The following CCDC149 variants were observed in gnomAD, a reference collection of about 807,000 sequenced individuals.
The protein encoded by CCDC149 is coiled-coil domain-containing protein 149.
A neutral mutation model predicts 59.9 loss-of-function variants in CCDC149; 45 were observed. That is an observed-to-expected ratio of 0.75 (90% CI 0.59 to 0.96). CCDC149 has a LOEUF of 0.96. CCDC149 is among the 40% of genes least tolerant of loss of function. CCDC149 has a pLI of 0.00. For missense variants in CCDC149, 584 were observed against 664.7 expected, an observed-to-expected ratio of 0.88 and a Z score of 1.33; for synonymous variants, 245 against 260.6, an observed-to-expected ratio of 0.94 and a Z score of 0.58.
rs1389952421 is a variant in CCDC149, at chr4:24,876,571, G to A, written c.190C>T (p.His64Tyr). 6.2e-7 allele frequency: 1 copy of A among 1,614,058 alleles called. No homozygotes were observed. The highest frequency in any genetic ancestry group is 1.1e-5 in the South Asian group (1 of 91,070). Residue 64 changes from histidine (H) to tyrosine (Y), a missense_variant, in exon 2 of 13, where the codon CAC becomes TAC. Physicochemically the swap from His to Tyr is moderately conservative, Grantham distance 83. Transcript: ENST00000635206. The stretch of plus-strand genomic sequence containing the variant: ...CGGTACTTCTTCTTCAGTGACTGGT[G>A]GCGCTCCCGGAGCTGATTGGCCATG...
chr4:24,927,054 T>A (rs1166117849), intron 1 of CCDC149, among the ~76,000 whole-genome samples: 1 of 152,146 alleles, frequency 6.6e-6, no homozygotes, highest in Non-Finnish European at 1.5e-5. Context: ...CTACATCCCA[T>A]AGGTTACAAG....
At chr4:24,946,393 G>T (rs970839103) in intron 1 of CCDC149, among the ~76,000 whole-genome samples, 1 of 152,236 alleles carries the variant, frequency 6.6e-6, no homozygotes, top group Non-Finnish European at 1.5e-5. Context: ...CCTTGAAGTG[G>T]TCTGTACTTA....
At position 24,938,893 on chromosome 4, in the gene CCDC149, C is replaced by T. The variant is rs549567271; in HGVS notation, c.-65+41176G>A. 1.2e-3 allele frequency among the ~76,000 whole-genome samples: 189 copies of T among 152,318 alleles called. 1 individual carries two copies. Among genetic ancestry groups the T allele is most frequent in the African/African-American group, 4.1e-3 (171 of 41,590 alleles). The stretch of plus-strand genomic sequence containing the variant: ...GGCTTGAGTAGGTAAACAAAGCGGC[C>T]GGGAAGCTTGAACTGGGTGGAGCCC... On this transcript the variant is annotated intron_variant, in intron 1 of 12. Transcript: ENST00000389609.
chr4:24,940,968 T>C (rs1722936635), intron 1 of CCDC149, among the ~76,000 whole-genome samples: 1 of 152,178 alleles, frequency 6.6e-6, no homozygotes, highest in Non-Finnish European at 1.5e-5. Context: ...CACCCCACTG[T>C]CAACATTAGA....
intron 3 of CCDC149, among the ~76,000 whole-genome samples, chr4:24,869,852 C>A (rs1355978442): frequency 1.3e-5 from 2 of 152,220 alleles, no homozygotes; most frequent in Non-Finnish European, 2.9e-5. Flanking sequence ...GTGGACATCA[C>A]TGCTAACTCC....
In CCDC149 at chr4:24,912,799, C is replaced by A; in HGVS notation, c.63+18G>T. 4 of 1,314,978 alleles carry A rather than the reference C, an allele frequency of 3.0e-6. No homozygotes were observed. Among genetic ancestry groups the A allele is most frequent in the Non-Finnish European group, 3.9e-6 (4 of 1,019,260 alleles). 81.5% of individuals were successfully genotyped at this position (1,314,978 alleles called of 1,614,324 possible). ...GCTCGGCCCGGCCCATCCCGCCTGG[C>A]CGGCGCCGCGGCCTCACCTCGCTCA... On this transcript the variant is annotated intron_variant, in intron 1 of 12. Transcript: ENST00000635206.
intron 4 of CCDC149, 73 bp downstream of exon 4, chr4:24,852,997 TTC>T: frequency 1.1e-6 from 1 of 894,930 alleles, no homozygotes; most frequent in Non-Finnish European, 1.8e-6. Flanking sequence ...CATTACATTT[TTC>T]CGATGTGCAA....
rs185833044 is a variant in CCDC149, at chr4:24,864,496, C to T, written c.264+9185G>A. Among the ~76,000 whole-genome samples, 447 of 152,302 alleles carry T rather than the reference C, an allele frequency of 2.9e-3. 6 individuals carry two copies. Among genetic ancestry groups the T allele is most frequent in the Admixed American group, 0.019 (287 of 15,290 alleles). On this transcript the variant is annotated intron_variant, in intron 3 of 12. Coordinates refer to ENST00000635206, the MANE Select transcript of CCDC149 (RefSeq NM_001330643.2). ...CGGCTTCGACTCCCTGTGATTTCATCTCAGATCCAACAGCACTCCCCACTC... is the reference window on the plus strand; with the variant it reads ...CGGCTTCGACTCCCTGTGATTTCATTTCAGATCCAACAGCACTCCCCACTC...
intron 1 of CCDC149, among the ~76,000 whole-genome samples, chr4:24,954,732 C>G (rs980646657): frequency 5.9e-5 from 9 of 152,210 alleles, no homozygotes; most frequent in Non-Finnish European, 1.0e-4. Flanking sequence ...TCCTAGCACT[C>G]TGGGCCTGTG....
intron 11 of CCDC149, 187 bp from the exon 12 acceptor site, chr4:24,820,162 GCA>G (rs369360752): frequency 9.6e-4 from 501 of 521,096 alleles, no homozygotes; most frequent in Middle Eastern, 2.0e-3. Context: ...CCTAACCCTT[GCA>G]CACACACACA....
chr4:24,945,573 T>C (rs1011231035), intron 1 of CCDC149, among the ~76,000 whole-genome samples: 4 of 151,958 alleles, frequency 2.6e-5, no homozygotes, highest in African/African-American at 7.3e-5. Flanking sequence ...AGAACGTAAA[T>C]GTCTGTTGTT....
At chr4:24,914,639 C>A (rs185866605), upstream of CCDC149, among the ~76,000 whole-genome samples, 1,251 of 149,034 alleles carry the variant, frequency 8.4e-3, 63 homozygotes, top group Admixed American at 0.061. Context: ...TGAGACCAGC[C>A]GAAGAACCAT....
At chr4:24,927,261 C>T (rs1722456322) in intron 1 of CCDC149, among the ~76,000 whole-genome samples, 2 of 152,148 alleles carry the variant, frequency 1.3e-5, no homozygotes, top group Non-Finnish European at 2.9e-5. Context: ...ATGGCCAGAC[C>T]CCTGTTCTTT....
intron 1 of CCDC149, among the ~76,000 whole-genome samples, chr4:24,899,149 C>T (rs1301316995): frequency 6.6e-6 from 1 of 152,192 alleles, no homozygotes; most frequent in Non-Finnish European, 1.5e-5. Flanking sequence ...GGTTGAGAAT[C>T]TGGCCACAGT....
At chr4:24,836,172 T>C (rs953152608) in intron 7 of CCDC149, among the ~76,000 whole-genome samples, 81 of 152,226 alleles carry the variant, frequency 5.3e-4, no homozygotes, top group East Asian at 1.9e-4. Flanking sequence ...GGAGAGGCTA[T>C]ACCAGGCGCT....
chr4:24,839,834 C>T (rs1427931938), intron 4 of CCDC149, among the ~76,000 whole-genome samples: 1 of 152,168 alleles, frequency 6.6e-6, no homozygotes, highest in Admixed American at 6.5e-5. Flanking sequence ...AGTCTGATTC[C>T]ACACCTCCCC....
At chr4:24,829,175 A>T (rs1419519298) in intron 9 of CCDC149, 1 of 152,666 alleles carries the variant, frequency 6.6e-6, no homozygotes, top group Non-Finnish European at 1.5e-5. Context: ...GGTCTCCCCA[A>T]GGAAGAAGTG....
At chr4:24,924,303 T>C (rs771435741) in intron 1 of CCDC149, among the ~76,000 whole-genome samples, 1 of 151,652 alleles carries the variant, frequency 6.6e-6, no homozygotes, top group Non-Finnish European at 1.5e-5. Context: ...ATCTTACACA[T>C]GTGAAAACCA....
At position 24,881,716 on chromosome 4, in the gene CCDC149, C is replaced by T. The variant is rs376248529; in HGVS notation, c.64-5019G>A. Among the ~76,000 whole-genome samples the T allele has an allele frequency of 5.9e-5, 9 of 152,220 alleles. No individual in the cohort carries two copies. In the East Asian group the frequency reaches 9.6e-4, roughly 16 times the overall value. On this transcript the variant is annotated intron_variant, in intron 1 of 12. Coordinates refer to ENST00000635206, the MANE Select transcript of CCDC149 (RefSeq NM_001330643.2). ...GTCCACTGAGTCACCACACTGAGGA[C>T]GAGGGTTCATGTGATCTCTATTAGT...
Sources: gnomAD v4.1 joint callset for allele counts (sites outside exome capture counted in the v4.1 genomes callset) on GRCh38, gnomAD v4.1.1 for gene constraint, MANE v1.5 for transcripts, NCBI Gene and HGNC (gene_info 2026-07-23, HGNC 2026-07-21) for gene names.